CACNG5: variants seen among roughly 807,000 people sequenced by gnomAD.
CACNG5 encodes the protein calcium voltage-gated channel auxiliary subunit gamma 5.
CACNG5 carries 18 observed loss-of-function variants against 24.8 expected under a neutral mutation model. The ratio of observed to expected loss-of-function variants is 0.73; its 90% confidence interval spans 0.50 to 1.08. CACNG5 has a LOEUF of 1.08. Ranked by LOEUF, CACNG5 falls within the 50% of genes least tolerant of loss-of-function variation. The pLI is 0.00. For synonymous variants in CACNG5, 157 were observed against 149.1 expected (o/e 1.05, Z -0.39); for missense variants, 349 against 367.9 (o/e 0.95, Z 0.42).
intron 1 of CACNG5, among the ~76,000 whole-genome samples, chr17:66,871,729 A>C (rs908248140): frequency 3.1e-4 from 47 of 152,120 alleles, no homozygotes; most frequent in African/African-American, 1.1e-3. Flanking sequence ...GCGTGGTGGC[A>C]GGCACCTGTA....
intron 1 of CACNG5, among the ~76,000 whole-genome samples, chr17:66,857,150 C>T (rs1328094043): frequency 2.0e-5 from 3 of 149,390 alleles, no homozygotes; most frequent in South Asian, 2.1e-4. Flanking sequence ...TCCTCCTCCC[C>T]GTGGCTCAAG....
Position 66,885,001 on chromosome 17 carries a change from GTGTACC to G in CACNG5, c.593_598del (p.Tyr198_Leu199del). 6.2e-7 allele frequency: 1 copy of G among 1,614,146 alleles called. No homozygotes were observed. The highest frequency in any genetic ancestry group is 8.5e-7 in the Non-Finnish European group (1 of 1,180,010). ...CCTGTAGAGTGCCGGGGTGATGTCT[GTGTACC>G]TGTTTATGAAGCGGTACACCGCGGA... On this transcript the variant is annotated inframe_deletion, in exon 6 of 6. Transcript: ENST00000533854.
In CACNG5 at chr17:66,887,465, G is replaced by A. The variant is rs1308622046; in HGVS notation, c.*2225G>A. Among the ~76,000 whole-genome samples, 2 of 152,166 alleles carry A rather than the reference G, an allele frequency of 1.3e-5. No homozygotes were observed. The highest frequency in any genetic ancestry group is 6.5e-5 in the Admixed American group (1 of 15,276). ...ATGACTGTTGTATTCTTCAGTTACT[G>A]TTTACAGAATAATACCAAAACCATG... On this transcript the variant is annotated 3_prime_UTR_variant, in exon 6 of 6. Transcript: ENST00000533854.
rs1270125331 is a variant in CACNG5, at chr17:66,887,513, G to A, written c.*2273G>A. On this transcript the variant is annotated 3_prime_UTR_variant, in exon 6 of 6. Transcript: ENST00000533854. ...ATGTTCTCCTCACCGCAAAGTAAAGGAATCAGTTTTTGTGCTTGGAGACAG... is the reference window on the plus strand; with the variant it reads ...ATGTTCTCCTCACCGCAAAGTAAAGAAATCAGTTTTTGTGCTTGGAGACAG... 6.6e-6 allele frequency among the ~76,000 whole-genome samples: 1 copy of A among 151,388 alleles called. No homozygotes were observed. The highest frequency in any genetic ancestry group is 1.5e-5 in the Non-Finnish European group (1 of 68,032).
At chr17:66,836,374 T>A (rs1185626630) in intron 1 of CACNG5, among the ~76,000 whole-genome samples, 1 of 152,176 alleles carries the variant, frequency 6.6e-6, no homozygotes, top group African/African-American at 2.4e-5. Context: ...CCCATTCCCC[T>A]CATTTCCACA....
At chr17:66,842,246 TG>T (rs1321791846) in intron 1 of CACNG5, among the ~76,000 whole-genome samples, 2 of 152,160 alleles carry the variant, frequency 1.3e-5, no homozygotes, top group African/African-American at 4.8e-5. Flanking sequence ...CATCCTGGCC[TG>T]GGAGGGTTTA....
intron 1 of CACNG5, among the ~76,000 whole-genome samples, chr17:66,872,064 A>G (rs756837320): frequency 6.6e-6 from 1 of 152,172 alleles, no homozygotes; most frequent in Non-Finnish European, 1.5e-5. Context: ...GAAACAATAC[A>G]TGTTCTTTGA....
At chr17:66,851,662 G>C (rs894157094) in intron 1 of CACNG5, among the ~76,000 whole-genome samples, 5 of 151,984 alleles carry the variant, frequency 3.3e-5, no homozygotes, top group Non-Finnish European at 5.9e-5. Flanking sequence ...TGTAAGAGCT[G>C]AATAAAATTG....
At chr17:66,843,451 A>T (rs1338876379) in intron 1 of CACNG5, among the ~76,000 whole-genome samples, 1 of 152,152 alleles carries the variant, frequency 6.6e-6, no homozygotes, top group Non-Finnish European at 1.5e-5. Flanking sequence ...TTTCTGGCAG[A>T]ATGTTTGGGA....
intron 1 of CACNG5, among the ~76,000 whole-genome samples, chr17:66,845,058 G>C (rs561034630): frequency 6.6e-6 from 1 of 152,166 alleles, no homozygotes; most frequent in Non-Finnish European, 1.5e-5. Context: ...GCCTATCAAT[G>C]ATAGACTGGA....
In CACNG5 at chr17:66,890,521, C is replaced by G. The variant is rs1977328227; in HGVS notation, c.*5281C>G. Among the ~76,000 whole-genome samples, 1 of 152,230 alleles carries G rather than the reference C, an allele frequency of 6.6e-6. No homozygotes were observed. Among genetic ancestry groups the G allele is most frequent in the Admixed American group, 6.5e-5 (1 of 15,286 alleles). On this transcript the variant is annotated 3_prime_UTR_variant, in exon 6 of 6. Transcript: ENST00000533854. ...TGGACCTCTGCTCTGTGACCTTGGA[C>G]ATATCACATCCTTCTGGGCCTGCCT...
intron 1 of CACNG5, among the ~76,000 whole-genome samples, chr17:66,857,590 G>T (rs1034614694): frequency 2.6e-5 from 4 of 152,060 alleles, no homozygotes; most frequent in Non-Finnish European, 5.9e-5. Context: ...TAGAAATCTG[G>T]GGTATGTGTT....
chr17:66,874,596 T>G (rs1408999632), intron 1 of CACNG5, among the ~76,000 whole-genome samples: 1 of 152,170 alleles, frequency 6.6e-6, no homozygotes, highest in South Asian at 2.1e-4. Flanking sequence ...CTCACCACCA[T>G]GAAAACAGCA....
At chr17:66,881,957 C>T (rs1262030176) in intron 4 of CACNG5, among the ~76,000 whole-genome samples, 5 of 152,064 alleles carry the variant, frequency 3.3e-5, no homozygotes, top group Non-Finnish European at 4.4e-5. Context: ...CTTATGGATT[C>T]GGGACTTTAG....
At position 66,886,507 on chromosome 17, in the gene CACNG5, C is replaced by T. The variant is rs533512165; in HGVS notation, c.*1267C>T. ...TCCACAGAAGCCACTGCAAGCCATG[C>T]CCCCCTTCAGCTCTCCAAGTGTCAG... On this transcript the variant is annotated 3_prime_UTR_variant, in exon 6 of 6. Coordinates refer to ENST00000533854, the MANE Select transcript of CACNG5 (RefSeq NM_145811.3). Among the ~76,000 whole-genome samples, 3 of 152,208 alleles carry T rather than the reference C, an allele frequency of 2.0e-5. No individual in the cohort carries two copies. Among genetic ancestry groups the T allele is most frequent in the East Asian group, 1.9e-4 (1 of 5,190 alleles).
At chr17:66,873,542 G>T (rs1250597653) in intron 1 of CACNG5, among the ~76,000 whole-genome samples, 1 of 152,082 alleles carries the variant, frequency 6.6e-6, no homozygotes, top group Non-Finnish European at 1.5e-5. Flanking sequence ...ATTAAGATTG[G>T]CTGCTCAGCT....
chr17:66,854,694 C>CA (rs893574968), intron 1 of CACNG5, among the ~76,000 whole-genome samples: 13 of 150,500 alleles, frequency 8.6e-5, no homozygotes, highest in East Asian at 3.9e-4. Context: ...GACTCTGTCT[C>CA]AAAAAAAAGA....
chr17:66,877,310 T>C lies in CACNG5; in HGVS notation c.-23T>C, dbSNP rs1977094309. 4 of 1,606,420 alleles carry C rather than the reference T, an allele frequency of 2.5e-6. No individual in the cohort carries two copies. The highest frequency in any genetic ancestry group is 1.1e-5 in the South Asian group (1 of 90,638). On this transcript the variant is annotated 5_prime_UTR_variant, in exon 2 of 6. Transcript: ENST00000533854. ...GTGCTGGTGGGAGCGTGGCGACTAG[T>C]TGCACAGCAACGGTCCAGGAAGATG...
chr17:66,880,434 C>T (rs1460098601), intron 3 of CACNG5, 123 bp from the exon 4 acceptor site: 2 of 1,190,918 alleles, frequency 1.7e-6, no homozygotes, highest in Non-Finnish European at 2.4e-6. Flanking sequence ...GTCTGGGGAA[C>T]CCCTGCAGGG....
Sources: allele counts gnomAD v4.1 joint callset (sites outside exome capture counted in the v4.1 genomes callset), GRCh38; gene constraint gnomAD v4.1.1; transcripts MANE v1.5; gene names NCBI Gene and HGNC (gene_info 2026-07-23, HGNC 2026-07-21).